The following RNF43 variants were observed in gnomAD, a reference collection of about 807,000 sequenced individuals.
RNF43 encodes ring finger protein 43, also known as E3 ubiquitin-protein ligase RNF43.
A neutral mutation model predicts 78.4 loss-of-function variants in RNF43; 37 were observed. The ratio of observed to expected loss-of-function variants is 0.47; its 90% CI spans 0.36 to 0.62. The LOEUF is 0.62. Ranked by LOEUF, RNF43 falls within the 20% of genes least tolerant of loss-of-function variation. RNF43 has a pLI of 0.00. For synonymous variants in RNF43, 347 were observed against 395.0 expected (o/e 0.88, Z 1.44); for missense variants, 774 against 1,007.9 (o/e 0.77, Z 3.14).
In RNF43 at chr17:58,354,812, G is replaced by A; in HGVS notation, c.*131C>T. On this transcript the variant is annotated 3_prime_UTR_variant, in exon 10 of 10. Transcript: ENST00000407977. ...CCACCATCACCAGTCCTCTTCCAGT[G>A]CTTCTAGGAAGTACGGCAAAAAGAA... 1 of 830,296 alleles carries A rather than the reference G, an allele frequency of 1.2e-6. No homozygotes were observed. The highest frequency in any genetic ancestry group is 2.1e-6 in the Non-Finnish European group (1 of 487,670). 51.4% of individuals were successfully genotyped at this position (830,296 alleles called of 1,614,324 possible).
intron 2 of RNF43, among the ~76,000 whole-genome samples, chr17:58,414,503 T>C (rs1028277367): frequency 6.6e-6 from 1 of 152,220 alleles, no homozygotes; most frequent in African/African-American, 2.4e-5. Flanking sequence ...TAAAAAGGTA[T>C]AGCCCTCTAG....
rs371814059 is a variant in RNF43 at position 58,354,947 on chromosome 17, A to G, written c.2348T>C (p.Val783Ala). Residue 783 changes from valine (V) to alanine (A), a missense_variant, in exon 10 of 10, where the codon GTG becomes GCG. Physicochemically the swap from Val to Ala is moderately conservative, Grantham distance 64. Coordinates refer to ENST00000407977, the MANE Select transcript of RNF43 (RefSeq NM_017763.6). ...TTGGAGCTAGGCCTGAACATCTCAC[A>G]CAGCCTGTTCACACAGCTCCTCGAG... ...EELEELCEQA[V>A] is the part of the protein sequence containing the mutation. 6.2e-7 allele frequency: 1 copy of G among 1,614,052 alleles called. No homozygotes were observed. The highest frequency in any genetic ancestry group is 2.2e-5 in the East Asian group (1 of 44,890).
chr17:58,375,889 A>G (rs1196988357), intron 2 of RNF43, among the ~76,000 whole-genome samples: 1 of 152,204 alleles, frequency 6.6e-6, no homozygotes, highest in Non-Finnish European at 1.5e-5. Context: ...ATTTGCCAAA[A>G]GCAAATGTTG....
intron 2 of RNF43, among the ~76,000 whole-genome samples, chr17:58,375,204 C>A (rs1290841538): frequency 6.6e-6 from 1 of 152,148 alleles, no homozygotes; most frequent in Non-Finnish European, 1.5e-5. Flanking sequence ...CCAAAGTGGT[C>A]TAAAATGCTA....
rs1429799322 is a variant in RNF43 at position 58,362,659 on chromosome 17, A to G, written c.583-11T>C. On this transcript the variant is annotated splice_polypyrimidine_tract_variant and intron_variant, in intron 5 of 9. Coordinates refer to ENST00000407977, the MANE Select transcript of RNF43 (RefSeq NM_017763.6). ...CACATCATAATCTGGCTGGGGAGTG[A>G]GCAGAGAGGGAAAGGGTCATACTTC... is the stretch of plus-strand genomic sequence containing the variant. The G allele has an allele frequency of 6.3e-7, 1 of 1,598,712 alleles. No homozygotes were observed. The highest frequency in any genetic ancestry group is 1.3e-5 in the African/African-American group (1 of 74,340).
intron 2 of RNF43, among the ~76,000 whole-genome samples, chr17:58,373,367 ACC>A (rs1973141856): frequency 2.6e-5 from 4 of 152,186 alleles, no homozygotes; most frequent in Non-Finnish European, 5.9e-5. Context: ...GGGAAAAAAA[ACC>A]TGGTATGAGC....
rs56372311 is a variant in RNF43, at chr17:58,370,060, GTTTTTTT to G, written c.375+844_375+850del. 2.3e-4 allele frequency among the ~76,000 whole-genome samples: 22 copies of G among 96,276 alleles called. 1 individual carries two copies. The highest frequency in any genetic ancestry group is 8.1e-3 in the Middle Eastern group (1 of 124). The allele number at this position is 96,276 out of a possible 152,430, so 63.2% of individuals were successfully genotyped here. The stretch of plus-strand genomic sequence containing the variant: ...TCTTCTAAAGAAGCTGAAAATCTGA[GTTTTTTT>G]TTTTTTTTTTTTTTTTTTTGAGACA... On this transcript the variant is annotated intron_variant, in intron 3 of 9. Transcript: ENST00000407977.
intron 3 of RNF43, among the ~76,000 whole-genome samples, chr17:58,367,500 T>G (rs779831712): frequency 6.6e-5 from 10 of 152,180 alleles, no homozygotes; most frequent in Non-Finnish European, 1.3e-4. Context: ...GCCTTCAGAT[T>G]GCCTGTTCTT....
chr17:58,397,505 A>G (rs936383566), intron 2 of RNF43, among the ~76,000 whole-genome samples: 2 of 152,240 alleles, frequency 1.3e-5, no homozygotes, highest in African/African-American at 4.8e-5. Context: ...TACTAAAAAA[A>G]TACAAAAATT....
In RNF43 at chr17:58,415,579, C is replaced by T. The variant is rs779179358; in HGVS notation, c.-2G>A. 1.9e-6 allele frequency: 3 copies of T among 1,606,014 alleles called. No homozygotes were observed. On this transcript the variant is annotated 5_prime_UTR_variant, in exon 2 of 10. It removes the in-frame stop codon of an upstream open reading frame in the 5' UTR. Transcript: ENST00000407977. ...CTGCAGCTGGTGGCCACCACTCATG[C>T]TACCAGCTGCAGCAATGCACTTCAA...
chr17:58,381,373 C>A (rs1345322905), intron 2 of RNF43, among the ~76,000 whole-genome samples: 3 of 152,258 alleles, frequency 2.0e-5, no homozygotes, highest in Non-Finnish European at 4.4e-5. Context: ...AGCTCTGAAT[C>A]TTTGTCCATG....
At chr17:58,386,263 T>C (rs1256653286) in intron 2 of RNF43, among the ~76,000 whole-genome samples, 3 of 151,784 alleles carry the variant, frequency 2.0e-5, no homozygotes, top group Non-Finnish European at 4.4e-5. Flanking sequence ...CTGTCTCTAC[T>C]AAAAATACAA....
At chr17:58,362,497 A>G in intron 6 of RNF43, 47 bp downstream of exon 6, 1 of 1,409,224 alleles carries the variant, frequency 7.1e-7, no homozygotes, top group Non-Finnish European at 9.8e-7. Flanking sequence ...CCACCCACCC[A>G]CACACACGCA....
chr17:58,397,154 A>G (rs1264667748), intron 2 of RNF43, among the ~76,000 whole-genome samples: 1 of 152,232 alleles, frequency 6.6e-6, no homozygotes, highest in African/African-American at 2.4e-5. Flanking sequence ...TATGTGTACA[A>G]GCAAACTTTA....
chr17:58,378,052 C>A (rs1442821360), intron 2 of RNF43, among the ~76,000 whole-genome samples: 1 of 152,092 alleles, frequency 6.6e-6, no homozygotes, highest in Non-Finnish European at 1.5e-5. Context: ...GCTTGGTCAC[C>A]TTGCCTTGTA....
At chr17:58,383,727 C>T (rs1973373430) in intron 2 of RNF43, among the ~76,000 whole-genome samples, 1 of 152,200 alleles carries the variant, frequency 6.6e-6, no homozygotes, top group Admixed American at 6.5e-5. Context: ...AAGCGATTCT[C>T]CAGCCTCAGC....
At chr17:58,413,896 A>G (rs1215030171) in intron 2 of RNF43, among the ~76,000 whole-genome samples, 2 of 152,198 alleles carry the variant, frequency 1.3e-5, no homozygotes, top group Admixed American at 1.3e-4. Flanking sequence ...ATGACTAGCA[A>G]AATTACTTAC....
chr17:58,366,678 G>T (rs1409846203), intron 3 of RNF43, among the ~76,000 whole-genome samples: 3 of 152,158 alleles, frequency 2.0e-5, no homozygotes, highest in East Asian at 1.9e-4. Flanking sequence ...TGTGTCTGTT[G>T]TTTTTTTCTG....
intron 9 of RNF43, chr17:58,356,886 C>CTTTTTTTTTTTTTTTTTTTTTTTT (rs150378896): frequency 1.4e-5 from 2 of 143,256 alleles, no homozygotes; most frequent in Non-Finnish European, 2.5e-5. Flanking sequence ...CCAAATGCCT[C>CTTTTTTTTTTTTTTTTTTTTTTTT]TTTTTTTTTT....
Sources: gnomAD v4.1 joint callset for allele counts (sites outside exome capture counted in the v4.1 genomes callset) on GRCh38, gnomAD v4.1.1 for gene constraint, MANE v1.5 for transcripts, NCBI Gene and HGNC (gene_info 2026-07-23, HGNC 2026-07-21) for gene names.